MRPS30: variants seen among roughly 807,000 people sequenced by gnomAD.
MRPS30 encodes large ribosomal subunit protein mL65.
A neutral mutation model predicts 43.8 loss-of-function variants in MRPS30; 42 were observed. The observed-to-expected ratio is 0.96, with a 90% CI of 0.75 to 1.24. MRPS30 has a LOEUF of 1.24. MRPS30 is among the 50% of genes most tolerant of loss of function. The probability of loss-of-function intolerance (pLI) is 0.00; values close to 1 mark genes in which losing one functional copy is unlikely to be tolerated. For synonymous variants in MRPS30, 273 were observed against 228.2 expected (o/e 1.20, Z -1.77); for missense variants, 638 against 570.0 (o/e 1.12, Z -1.22).
chr5:44,814,950 C>T lies in MRPS30; in HGVS notation c.1068C>T (p.Val356=). The T allele has an allele frequency of 3.1e-6, 5 of 1,612,854 alleles. No individual in the cohort carries two copies. Among genetic ancestry groups the T allele is most frequent in the Non-Finnish European group, 4.2e-6 (5 of 1,179,430 alleles). Residue 356 remains valine, a synonymous_variant, in exon 5 of 5, where the codon GTC becomes GTT. Transcript: ENST00000507110. ...AAGCAGATGTTACTCGACCTTTTGT[C>T]TCCCAGGCTGTGATCACAGATGGAA... ...WSEADVTRPF[V]SQAVITDGKY...
Position 44,808,950 on chromosome 5 carries a change from A to G in MRPS30, c.-13A>G, listed in dbSNP as rs780316344. 9 of 1,582,630 alleles carry G rather than the reference A, an allele frequency of 5.7e-6. No homozygotes were observed. The highest frequency in any genetic ancestry group is 1.8e-5 in the Admixed American group (1 of 56,188). ...GCTTAAGTTGACCTCTGGGTCCGGA[A>G]TCGCGGGCAAAGATGGCGGCGGCCA... On this transcript the variant is annotated 5_prime_UTR_variant, in exon 1 of 5. Coordinates refer to ENST00000507110, the MANE Select transcript of MRPS30 (RefSeq NM_016640.4).
chr5:44,814,773 CTT>C, intron 4 of MRPS30, 138 bp from the exon 5 acceptor site: 1 of 735,406 alleles, frequency 1.4e-6, no homozygotes, highest in South Asian at 2.0e-5. Flanking sequence ...GATAAGGAAA[CTT>C]TGAGGTCTTC....
intron 3 of MRPS30, 89 bp downstream of exon 3, chr5:44,812,109 T>C: frequency 2.3e-6 from 2 of 885,124 alleles, no homozygotes; most frequent in Non-Finnish European, 3.5e-6. Flanking sequence ...AGGAATTAAT[T>C]CTCGAAGACC....
Position 44,812,131 on chromosome 5 carries a change from A to G in MRPS30, c.853+111A>G, listed in dbSNP as rs1007287119. ...AATTCTCGAAGACCGAGAGGTTTAC[A>G]TAGTCTATGAGCAATATAATTCGTA... On this transcript the variant is annotated intron_variant, in intron 3 of 4. Coordinates refer to ENST00000507110, the MANE Select transcript of MRPS30 (RefSeq NM_016640.4). 1.3e-5 allele frequency: 9 copies of G among 677,324 alleles called. 1 individual carries two copies. The highest frequency in any genetic ancestry group is 1.1e-4 in the African/African-American group (6 of 54,370). The allele number at this position is 677,324 out of a possible 1,614,324, so 42.0% of individuals were successfully genotyped here.
chr5:44,811,017 T>C lies in MRPS30; in HGVS notation c.610T>C (p.Cys204Arg), dbSNP rs920278407. The C allele has an allele frequency of 3.7e-6, 6 of 1,613,836 alleles. No individual in the cohort carries two copies. Among genetic ancestry groups the C allele is most frequent in the Non-Finnish European group, 5.1e-6 (6 of 1,179,806 alleles). Reference protein sequence around the residue: ...ALAAAALDYRCPVHFYWVRGE... With the variant: ...ALAAAALDYRRPVHFYWVRGE... ...GAATATCTTTTTGATAGATTATAGA[T>C]GCCCAGTTCATTTTTACTGGGTGCG... The change falls in exon 2 of 5, where the codon TGC becomes CGC. Residue 204 changes from cysteine (C) to arginine (R), a missense_variant. Transcript: ENST00000507110.
chr5:44,810,930 A>G (rs992557656), intron 1 of MRPS30, 79 bp from the exon 2 acceptor site: 10 of 1,246,678 alleles, frequency 8.0e-6, no homozygotes, highest in African/African-American at 4.5e-5. Flanking sequence ...TTGCTAAGTT[A>G]GTACTCTTTA....
intron 4 of MRPS30, 53 bp from the exon 5 acceptor site, chr5:44,814,860 G>C (rs1742893404): frequency 6.8e-7 from 1 of 1,480,316 alleles, no homozygotes; most frequent in Non-Finnish European, 9.2e-7. Context: ...TGATTGTTTT[G>C]TTTGGGTAAG....
At chr5:44,813,446 C>A in intron 4 of MRPS30, 164 bp downstream of exon 4, 1 of 547,060 alleles carries the variant, frequency 1.8e-6, no homozygotes, top group Non-Finnish European at 3.0e-6. Flanking sequence ...CGTTTAAATA[C>A]TATACATTTG....
chr5:44,811,854 T>C, intron 2 of MRPS30, 61 bp from the exon 3 acceptor site: 14 of 961,514 alleles, frequency 1.5e-5, no homozygotes, highest in Non-Finnish European at 2.1e-5. Flanking sequence ...ATCTAATGAG[T>C]GTGAGTAAAA....
In MRPS30 at chr5:44,811,060, C is replaced by T. The variant is rs766672957; in HGVS notation, c.653C>T (p.Pro218Leu). ...TGGGTGCGTGGTGAAGAAATTATTC[C>T]TCGTGGTCATCGAAGAGGTCGAATT... ...FYWVRGEEII[P>L]RGHRRGRIDD... Residue 218 changes from proline to leucine, a missense_variant, in exon 2 of 5, where the codon CCT becomes CTT. Coordinates refer to ENST00000507110, the MANE Select transcript of MRPS30 (RefSeq NM_016640.4). 1.2e-6 allele frequency: 2 copies of T among 1,613,960 alleles called. No homozygotes were observed. The highest frequency in any genetic ancestry group is 1.7e-6 in the Non-Finnish European group (2 of 1,179,900).
At position 44,808,992 on chromosome 5, in the gene MRPS30, G is replaced by T; in HGVS notation, c.30G>T (p.Leu10Phe). MAAARCWRP[L>F]LRGPRLSLHT... is the part of the protein sequence containing the mutation. ...CGGCGGCCAGGTGTTGGAGGCCTTTGCTACGCGGTCCGAGGCTTTCATTGC... is the reference window on the plus strand; with the variant it reads ...CGGCGGCCAGGTGTTGGAGGCCTTTTCTACGCGGTCCGAGGCTTTCATTGC... The change falls in exon 1 of 5, where the codon TTG becomes TTT. Residue 10 changes from leucine (L) to phenylalanine (F), a missense_variant. Leu to Phe is a conservative substitution (Grantham distance 22, BLOSUM62 0). Coordinates refer to ENST00000507110, the MANE Select transcript of MRPS30 (RefSeq NM_016640.4). 1.2e-6 allele frequency: 2 copies of T among 1,607,808 alleles called. No homozygotes were observed. Among genetic ancestry groups the T allele is most frequent in the Non-Finnish European group, 1.7e-6 (2 of 1,177,606 alleles).
intron 3 of MRPS30, 76 bp from the exon 4 acceptor site, chr5:44,813,030 G>T: frequency 1.4e-6 from 2 of 1,432,546 alleles, no homozygotes; most frequent in East Asian, 4.7e-5. Context: ...GAAAAAAAAG[G>T]CTCAAATACT....
intron 2 of MRPS30, 114 bp downstream of exon 2, chr5:44,811,268 C>T: frequency 1.6e-6 from 2 of 1,271,396 alleles, no homozygotes; most frequent in East Asian, 2.4e-5. Flanking sequence ...TCTTGCCTTT[C>T]AAGTTTCCTT....
Position 44,809,510 on chromosome 5 carries a change from C to T in MRPS30, c.548C>T (p.Thr183Ile). Residue 183 changes from threonine to isoleucine, a missense_variant, in exon 1 of 5, where the codon ACC (threonine) becomes ATC (isoleucine). Coordinates refer to ENST00000507110, the MANE Select transcript of MRPS30 (RefSeq NM_016640.4). Reference sequence around the variant, plus strand: ...CCCTTCCTGGATCAGCTGGTGTCAACCCTCGTGGGCCTCCTCAGCCCACAC... The same window carrying T: ...CCCTTCCTGGATCAGCTGGTGTCAATCCTCGTGGGCCTCCTCAGCCCACAC... ...SLPFLDQLVS[T>I]LVGLLSPHNP... 1.9e-6 allele frequency: 3 copies of T among 1,612,482 alleles called. No individual in the cohort carries two copies. Among genetic ancestry groups the T allele is most frequent in the East Asian group, 2.2e-5 (1 of 44,856 alleles).
chr5:44,812,986 A>G (rs1742866873), intron 3 of MRPS30, 120 bp from the exon 4 acceptor site: 1 of 804,676 alleles, frequency 1.2e-6, no homozygotes, highest in African/African-American at 1.8e-5. Flanking sequence ...CTACTTATGT[A>G]TTTAGAGTAC....
intron 1 of MRPS30, 36 bp from the exon 2 acceptor site, chr5:44,810,973 A>G (rs1166752338): frequency 2.5e-6 from 4 of 1,586,816 alleles, no homozygotes. Flanking sequence ...TATTTAGATG[A>G]TCAGATGAAA....
chr5:44,815,140 C>A lies in MRPS30; in HGVS notation c.1258C>A (p.Gln420Lys), dbSNP rs1742899461. ...VKGFNDDVLLQIVHFLLNRPK... is the reference protein window; with the variant it reads ...VKGFNDDVLLKIVHFLLNRPK... ...AGGTTTTAATGATGATGTTCTACTT[C>A]AGATAGTTCACTTTCTACTGAATAG... The change falls in exon 5 of 5, where the codon CAG becomes AAG. Residue 420 changes from glutamine (Q) to lysine (K), a missense_variant. Transcript: ENST00000507110. 6.2e-7 allele frequency: 1 copy of A among 1,612,684 alleles called. No homozygotes were observed. The highest frequency in any genetic ancestry group is 8.5e-7 in the Non-Finnish European group (1 of 1,179,498).
chr5:44,809,521 C>CT lies in MRPS30; in HGVS notation c.560dup (p.Leu188ProfsTer16). The CT allele has an allele frequency of 6.2e-7, 1 of 1,610,628 alleles. No homozygotes were observed. Among genetic ancestry groups the CT allele is most frequent in the African/African-American group, 1.3e-5 (1 of 75,036 alleles). On this transcript the variant is annotated frameshift_variant, in exon 1 of 5. Coordinates refer to ENST00000507110, the MANE Select transcript of MRPS30 (RefSeq NM_016640.4). LOFTEE classifies it high-confidence loss of function. ...TCAGCTGGTGTCAACCCTCGTGGGC[C>CT]TCCTCAGCCCACACAACCCGGCCCT... is the stretch of plus-strand genomic sequence containing the variant.
chr5:44,812,975 C>T, intron 3 of MRPS30, 131 bp from the exon 4 acceptor site: 1 of 713,330 alleles, frequency 1.4e-6, no homozygotes, highest in Non-Finnish European at 2.2e-6. Context: ...AACTAATATT[C>T]CTACTTATGT....
Sources: allele counts gnomAD v4.1 joint callset, GRCh38; gene constraint gnomAD v4.1.1; transcripts MANE v1.5; gene names NCBI Gene and HGNC (gene_info 2026-07-23, HGNC 2026-07-21).